The following CFAP299 variants were observed in gnomAD, a reference collection of about 807,000 sequenced individuals.
CFAP299 encodes the protein cilia- and flagella-associated protein 299.
A neutral mutation model predicts 27.0 loss-of-function variants in CFAP299; 21 were observed. That is an observed-to-expected ratio of 0.78 (90% CI 0.55 to 1.12). The LOEUF is 1.12. Among genes scored for constraint, CFAP299 ranks in the 50% most tolerant of loss-of-function variants. The pLI is 0.00. For synonymous variants in CFAP299, 104 were observed against 98.1 expected, an observed-to-expected ratio of 1.06 and a Z score of -0.36; for missense variants, 310 against 276.6, an observed-to-expected ratio of 1.12 and a Z score of -0.86.
intron 2 of CFAP299, among the ~76,000 whole-genome samples, chr4:80,390,107 C>T (rs72860771): frequency 0.19 from 28,929 of 151,948 alleles, 2,917 homozygotes; most frequent in South Asian, 0.29. Context: ...ACATTTCCAT[C>T]ACAATACCTT....
chr4:80,438,827 G>T (rs1239813458), intron 2 of CFAP299, among the ~76,000 whole-genome samples: 1 of 152,134 alleles, frequency 6.6e-6, no homozygotes, highest in Non-Finnish European at 1.5e-5. Context: ...TTCCATACAA[G>T]AAAGTGATTT....
chr4:80,379,532 CAT>C (rs1002889894), intron 2 of CFAP299, among the ~76,000 whole-genome samples: 2 of 151,482 alleles, frequency 1.3e-5, no homozygotes, highest in Admixed American at 6.6e-5. Flanking sequence ...CTTGAAATTC[CAT>C]ATGTTTTCCT....
At chr4:80,664,097 G>T (rs1337022594) in intron 3 of CFAP299, among the ~76,000 whole-genome samples, 1 of 152,114 alleles carries the variant, frequency 6.6e-6, no homozygotes, top group Non-Finnish European at 1.5e-5. Context: ...TGTTCATGCT[G>T]ATGACAGTTT....
chr4:80,575,504 T>A (rs1013762784), intron 2 of CFAP299, among the ~76,000 whole-genome samples: 1 of 151,998 alleles, frequency 6.6e-6, no homozygotes, highest in Non-Finnish European at 1.5e-5. Flanking sequence ...GTCTTCTTTT[T>A]CACTCTGATT....
rs537292509 is a variant in CFAP299, at chr4:80,510,651, C to A, written c.243-72442C>A. ...CTGCTTCTAGGTACTCCTGTGTAAG[C>A]CAGTCATGAGTTAGTACAGGGATCT... On this transcript the variant is annotated intron_variant, in intron 2 of 5. Coordinates refer to ENST00000358105, the MANE Select transcript of CFAP299 (RefSeq NM_152770.3). Among the ~76,000 whole-genome samples the A allele has an allele frequency of 3.3e-5, 5 of 152,222 alleles. No homozygotes were observed. In the South Asian group the frequency reaches 1.0e-3, roughly 32 times the overall value.
Position 80,936,429 on chromosome 4 carries a change from A to G in CFAP299, c.477-8381A>G, listed in dbSNP as rs555935531. On this transcript the variant is annotated intron_variant, in intron 4 of 5. Transcript: ENST00000358105. ...ACAAGATAAAGAAAACGTAGTACAT[A>G]TACAACACACCATGGAACACTATGC... 2.0e-5 allele frequency among the ~76,000 whole-genome samples: 3 copies of G among 152,298 alleles called. No individual in the cohort carries two copies. In the East Asian group the frequency reaches 5.8e-4, roughly 29 times the overall value.
At chr4:80,706,106 T>C (rs1316206680) in intron 3 of CFAP299, among the ~76,000 whole-genome samples, 1 of 151,896 alleles carries the variant, frequency 6.6e-6, no homozygotes, top group Non-Finnish European at 1.5e-5. Context: ...TATCATTAAC[T>C]AGCTGCTATG....
intron 2 of CFAP299, among the ~76,000 whole-genome samples, chr4:80,580,465 CACTT>C (rs1283052177): frequency 2.0e-5 from 3 of 151,832 alleles, no homozygotes; most frequent in Non-Finnish European, 4.4e-5. Context: ...AATCTATTGA[CACTT>C]CCTTCCTTCA....
chr4:80,780,978 A>G (rs1288660437), intron 3 of CFAP299, among the ~76,000 whole-genome samples: 1 of 151,864 alleles, frequency 6.6e-6, no homozygotes, highest in Admixed American at 6.6e-5. Context: ...TTTATAGAAA[A>G]ATGTGTATTA....
chr4:80,520,832 C>G (rs917394731), intron 2 of CFAP299, among the ~76,000 whole-genome samples: 4 of 152,152 alleles, frequency 2.6e-5, no homozygotes, highest in Non-Finnish European at 5.9e-5. Flanking sequence ...TATATTCTAT[C>G]TTATTCCACA....
chr4:80,633,136 C>T lies in CFAP299; in HGVS notation c.333+49953C>T, dbSNP rs193030121. 6.6e-5 allele frequency among the ~76,000 whole-genome samples: 10 copies of T among 152,166 alleles called. No individual in the cohort carries two copies. The East Asian group carries it at 1.9e-3, about 29-fold the overall frequency. On this transcript the variant is annotated intron_variant, in intron 3 of 5. Coordinates refer to ENST00000358105, the MANE Select transcript of CFAP299 (RefSeq NM_152770.3). Reference sequence around the variant, plus strand: ...ACATATACATCATATAAATTAGTACCCTCCTCTTTTATTCTTAAAATGTGA... The same window carrying T: ...ACATATACATCATATAAATTAGTACTCTCCTCTTTTATTCTTAAAATGTGA...
chr4:80,812,357 G>C (rs1729199518), intron 3 of CFAP299, among the ~76,000 whole-genome samples: 1 of 152,004 alleles, frequency 6.6e-6, no homozygotes, highest in Non-Finnish European at 1.5e-5. Flanking sequence ...TTTTGATAGA[G>C]GTTTGTATGC....
intron 1 of CFAP299, among the ~76,000 whole-genome samples, chr4:80,350,691 C>A (rs1021928150): frequency 6.6e-6 from 1 of 152,090 alleles, no homozygotes; most frequent in East Asian, 1.9e-4. Context: ...GAACAGAAAA[C>A]CAAACACCAC....
chr4:80,802,179 A>G (rs563599883), intron 3 of CFAP299, among the ~76,000 whole-genome samples: 1 of 152,208 alleles, frequency 6.6e-6, no homozygotes, highest in Non-Finnish European at 1.5e-5. Context: ...TATTTTACAA[A>G]AGAAAGACTA....
chr4:80,356,867 G>T (rs961877491), intron 1 of CFAP299, among the ~76,000 whole-genome samples: 1 of 152,016 alleles, frequency 6.6e-6, no homozygotes, highest in African/African-American at 2.4e-5. Flanking sequence ...AACTTCCAAT[G>T]CTATGTTAAA....
the CFAP299 span, among the ~76,000 whole-genome samples, chr4:80,328,583 A>C: frequency 1.3e-5 from 2 of 152,078 alleles, no homozygotes; most frequent in Non-Finnish European, 2.9e-5. Flanking sequence ...GAATAGGAAA[A>C]AAGGTGTAAA....
chr4:80,841,253 G>A (rs990544321), intron 3 of CFAP299, among the ~76,000 whole-genome samples: 1 of 152,110 alleles, frequency 6.6e-6, no homozygotes, highest in African/African-American at 2.4e-5. Context: ...TGAAGACCTA[G>A]CTATTCATTT....
chr4:80,698,700 G>T (rs1195220480), intron 3 of CFAP299, among the ~76,000 whole-genome samples: 3 of 152,208 alleles, frequency 2.0e-5, no homozygotes, highest in Non-Finnish European at 4.4e-5. Flanking sequence ...CCACATGGCT[G>T]GAGAAGCCTC....
At chr4:80,799,663 TTTTATAA>T (rs1208647591) in intron 3 of CFAP299, among the ~76,000 whole-genome samples, 2 of 8,306 alleles carry the variant, frequency 2.4e-4, no homozygotes, top group African/African-American at 5.3e-4. Context: ...ATATATTATA[TTTTATAA>T]ATATATATTT....
Sources: allele counts gnomAD v4.1 joint callset (sites outside exome capture counted in the v4.1 genomes callset), GRCh38; gene constraint gnomAD v4.1.1; transcripts MANE v1.5; gene names NCBI Gene and HGNC (gene_info 2026-07-23, HGNC 2026-07-21).